PLXNA3: variants seen among roughly 807,000 people sequenced by gnomAD.
PLXNA3 encodes the protein plexin-A3.
Under a neutral mutation model 118.8 loss-of-function variants are expected in PLXNA3, and 52 were observed. The observed-to-expected ratio is 0.44, with a 90% CI of 0.35 to 0.55. PLXNA3 has a LOEUF of 0.55. Among genes scored for constraint, PLXNA3 ranks in the 20% least tolerant of loss-of-function variants. PLXNA3 has a pLI of 0.01. For missense variants in PLXNA3, 1,660 were observed against 1,730.8 expected (o/e 0.96, Z 0.73); for synonymous variants, 925 against 762.4 (o/e 1.21, Z -3.51).
rs1557203743 is a variant in PLXNA3, at chrX:154,460,748, G to A, written c.565G>A (p.Asp189Asn). 1 of 1,129,276 alleles carries A rather than the reference G, an allele frequency of 8.9e-7. No individual in the cohort carries two copies. The highest frequency in any genetic ancestry group is 1.8e-5 in the African/African-American group (1 of 55,267). 93.1% of individuals were successfully genotyped at this position (1,129,276 alleles called of 1,213,427 possible). A position where few individuals can be genotyped will look rare whatever the true frequency, so the allele number is the denominator to read the frequency against. Residue 189 changes from aspartate (D) to asparagine (N), a missense_variant, in exon 2 of 33, where the codon GAT (aspartate) becomes AAT (asparagine). Physicochemically the swap from Asp to Asn is conservative, Grantham distance 23. Transcript: ENST00000369682. ...CTTGAGCTCCCGCAAGCTCATCAGT[G>A]ATGAAGACAGCGCGGACATGTTCAG... ...PTLSSRKLIS[D>N]EDSADMFSLV... is the part of the protein sequence containing the mutation.
rs370255724 is a variant in PLXNA3 at position 154,467,976 on chromosome X, C to T, written c.3795C>T (p.Ser1265=). ...RLQLQMDNLE[S]RVALECKEAF... is the part of the protein sequence containing the mutation. ...AGCTGCAGATGGACAACCTGGAGTC[C>T]CGTGTGGCCCTGGAGTGCAAGGAAG... is the stretch of plus-strand genomic sequence containing the variant. The change falls in exon 21 of 33, where the codon TCC becomes TCT. Residue 1265 remains serine, a synonymous_variant. Transcript: ENST00000369682. The T allele has an allele frequency of 2.5e-6, 3 of 1,208,438 alleles. No individual in the cohort carries two copies. In the African/African-American group the frequency reaches 5.3e-5, roughly 21 times the overall value.
Position 154,465,116 on chromosome X carries a change from G to A in PLXNA3, c.2142G>A (p.Ser714=), listed in dbSNP as rs782526970. ...CTAAGAACCTACCTCAGCCGCAGTC[G>A]GGCCAGAAGAACTATGAGTGCGTGG... ...LRAKNLPQPQ[S]GQKNYECVVR... The change falls in exon 11 of 33, where the codon TCG becomes TCA. Residue 714 remains serine (S), a synonymous_variant. Transcript: ENST00000369682. 4.0e-5 allele frequency: 48 copies of A among 1,209,243 alleles called. No homozygotes were observed. Among genetic ancestry groups the A allele is most frequent in the East Asian group, 1.5e-4 (5 of 33,769 alleles).
rs1338712425 is a variant in PLXNA3 at position 154,477,053 on chromosome X, A to G, written c.*4368A>G. The G allele has an allele frequency of 1.8e-5, 2 of 112,077 alleles. No individual in the cohort carries two copies. Among genetic ancestry groups the G allele is most frequent in the Non-Finnish European group, 3.7e-5 (2 of 53,346 alleles). 9.2% of individuals were successfully genotyped at this position (112,077 alleles called of 1,213,427 possible). A position where few individuals can be genotyped will look rare whatever the true frequency, so the allele number is the denominator to read the frequency against. ...AAGCTACCCAAGACCAGGGAAGGCC[A>G]TCACCCCAGCAGGAGAGGATGAACG... On this transcript the variant is annotated 3_prime_UTR_variant, in exon 33 of 33. Transcript: ENST00000369682.
Position 154,461,315 on chromosome X carries a change from G to C in PLXNA3, c.811G>C (p.Glu271Gln). 3.3e-6 allele frequency: 4 copies of C among 1,212,488 alleles called. No homozygotes were observed. The highest frequency in any genetic ancestry group is 4.5e-6 in the Non-Finnish European group (4 of 895,613). Residue 271 changes from glutamate to glutamine, a missense_variant, in exon 3 of 33, where the codon GAG (glutamate) becomes CAG (glutamine). Glu to Gln is a conservative substitution (Grantham distance 29). Transcript: ENST00000369682. ...KIVRMCAGDSEFYSYVEFPIG... is the reference protein window; with the variant it reads ...KIVRMCAGDSQFYSYVEFPIG... Reference sequence around the variant, plus strand: ...CGTGCGCATGTGCGCGGGAGACTCAGAGTTCTACTCATACGTGGAATTCCC... The same window carrying C: ...CGTGCGCATGTGCGCGGGAGACTCACAGTTCTACTCATACGTGGAATTCCC...
chrX:154,464,753 G>C lies in PLXNA3; in HGVS notation c.1929-1G>C. 1 of 1,151,766 alleles carries C rather than the reference G, an allele frequency of 8.7e-7. No homozygotes were observed. The highest frequency in any genetic ancestry group is 2.5e-5 in the Admixed American group (1 of 40,371). 94.9% of individuals were successfully genotyped at this position (1,151,766 alleles called of 1,213,427 possible). On this transcript the variant is annotated splice_acceptor_variant, in intron 9 of 32. Transcript: ENST00000369682. LOFTEE classifies it high-confidence loss of function. ...TATTTCTGAAGCCACTTCCCCCCCA[G>C]GTGCATGTCCTGTGTTGGCAGCCCT...
chrX:154,475,566 A>G lies in PLXNA3; in HGVS notation c.*2881A>G. 1 of 112,184 alleles carries G rather than the reference A, an allele frequency of 8.9e-6. No homozygotes were observed. The highest frequency in any genetic ancestry group is 4.6e-3 in the Middle Eastern group (1 of 219). The allele number at this position is 112,184 out of a possible 1,213,427, so 9.2% of individuals were successfully genotyped here. ...TATAGGACCGTAGGTGTTTACCAAA[A>G]CTAGACAAGTCCACATAACAACCAA... is the stretch of plus-strand genomic sequence containing the variant. On this transcript the variant is annotated 3_prime_UTR_variant, in exon 33 of 33. Coordinates refer to ENST00000369682, the MANE Select transcript of PLXNA3 (RefSeq NM_017514.5).
In PLXNA3 at chrX:154,467,541, C is replaced by T. The variant is rs372811870; in HGVS notation, c.3442-4C>T. On this transcript the variant is annotated splice_region_variant and splice_polypyrimidine_tract_variant and intron_variant, in intron 19 of 32. Transcript: ENST00000369682. ...CCTGGGCTGAAGTTGTCCTCCACCC[C>T]CAGGGCAAGAACCTGATTCCCGCTG... The T allele has an allele frequency of 2.6e-6, 3 of 1,173,891 alleles. No homozygotes were observed. The highest frequency in any genetic ancestry group is 3.4e-6 in the Non-Finnish European group (3 of 877,337).
rs782161511 is a variant in PLXNA3, at chrX:154,467,270, G to A, written c.3240G>A (p.Lys1080=). ...TCAACGACACTGCCATGCTGTGTAA[G>A]GCCCCCGGCATCTTTCTTGGGCGGC... ...QVINDTAMLC[K]APGIFLGRPQ... The change falls in exon 19 of 33, where the codon AAG becomes AAA. Residue 1080 remains lysine, a synonymous_variant. Coordinates refer to ENST00000369682, the MANE Select transcript of PLXNA3 (RefSeq NM_017514.5). 9.1e-6 allele frequency: 11 copies of A among 1,208,416 alleles called. No homozygotes were observed. The East Asian group carries it at 2.7e-4, about 29-fold the overall frequency.
At chrX:154,466,599 C>T (rs1344522363) in intron 16 of PLXNA3, 24 bp from the exon 17 acceptor site, 18 of 1,194,924 alleles carry the variant, frequency 1.5e-5, no homozygotes, top group Non-Finnish European at 2.0e-5. Flanking sequence ...CCACCCGCTC[C>T]AAGCACCCTG....
At chrX:154,471,025 A>C in intron 30 of PLXNA3, 80 bp from the exon 31 acceptor site, 1 of 793,088 alleles carries the variant, frequency 1.3e-6, no homozygotes, top group Non-Finnish European at 1.9e-6. Flanking sequence ...CCGGCCCGAC[A>C]GGAAAGAGAT....
intron 11 of PLXNA3, 69 bp downstream of exon 11, chrX:154,465,287 G>A: frequency 9.3e-7 from 1 of 1,076,706 alleles, no homozygotes; most frequent in Non-Finnish European, 1.3e-6. Context: ...TCTTGTCTAT[G>A]CCCAGCTCTC....
chrX:154,468,269 G>A (rs781829311), intron 22 of PLXNA3, 34 bp from the exon 23 acceptor site: 31 of 1,182,382 alleles, frequency 2.6e-5, no homozygotes, highest in Admixed American at 1.1e-4. Flanking sequence ...CTTCAGGGCC[G>A]CCCCCACCCT....
rs782363773 is a variant in PLXNA3 at position 154,470,616 on chromosome X, C to A, written c.5156+5C>A. 2 of 1,206,137 alleles carry A rather than the reference C, an allele frequency of 1.7e-6. No homozygotes were observed. Among genetic ancestry groups the A allele is most frequent in the South Asian group, 3.6e-5 (2 of 56,328 alleles). On this transcript the variant is annotated splice_donor_5th_base_variant and intron_variant, in intron 30 of 32. Coordinates refer to ENST00000369682, the MANE Select transcript of PLXNA3 (RefSeq NM_017514.5). ...CCACACCTGGAAGAGCAACTGGTATCACCCCGTGCTGGGCTGCCAGCAGCC... is the reference window on the plus strand; with the variant it reads ...CCACACCTGGAAGAGCAACTGGTATAACCCCGTGCTGGGCTGCCAGCAGCC...
Position 154,466,657 on chromosome X carries a change from C to G in PLXNA3, c.2971C>G (p.Leu991Val), listed in dbSNP as rs200143039. Residue 991 changes from leucine (L) to valine (V), a missense_variant, in exon 17 of 33, where the codon CTC becomes GTC. Transcript: ENST00000369682. ...DAKAIVCISPLSTLGPSQAPI... is the reference protein window; with the variant it reads ...DAKAIVCISPVSTLGPSQAPI... ...CAAGGCGATCGTGTGCATCTCACCT[C>G]TCTCCACCCTGGGCCCCAGCCAGGC... is the stretch of plus-strand genomic sequence containing the variant. 3.0e-5 allele frequency: 36 copies of G among 1,202,311 alleles called. No homozygotes were observed. The East Asian group carries it at 1.0e-3, about 35-fold the overall frequency.
At chrX:154,466,110 G>T (rs781902882) in intron 14 of PLXNA3, 30 bp downstream of exon 14, 6 of 1,208,685 alleles carry the variant, frequency 5.0e-6, no homozygotes, top group African/African-American at 1.7e-5. Flanking sequence ...TGCCCGGGCC[G>T]TATGTGGCCT....
Position 154,475,098 on chromosome X carries a change from ATTT to A in PLXNA3, c.*2431_*2433del, listed in dbSNP as rs59248502. 11 of 67,576 alleles carry A rather than the reference ATTT, an allele frequency of 1.6e-4. No individual in the cohort carries two copies. The highest frequency in any genetic ancestry group is 3.7e-4 in the Admixed American group (2 of 5,391). 5.6% of individuals were successfully genotyped at this position (67,576 alleles called of 1,213,427 possible). A position where few individuals can be genotyped will look rare whatever the true frequency, so the allele number is the denominator to read the frequency against. Reference sequence around the variant, plus strand: ...ACTGTGCCCAGCCAAGTGAGATGCAATTTTTTTTTTTTTTTTTTTTGAGACAGA... The same window carrying A: ...ACTGTGCCCAGCCAAGTGAGATGCAATTTTTTTTTTTTTTTTTGAGACAGA... On this transcript the variant is annotated 3_prime_UTR_variant, in exon 33 of 33. Transcript: ENST00000369682.
In PLXNA3 at chrX:154,468,386, G is replaced by A. The variant is rs782635524; in HGVS notation, c.4047G>A (p.Thr1349=). The A allele has an allele frequency of 2.7e-5, 33 of 1,209,554 alleles. No individual in the cohort carries two copies. The highest frequency in any genetic ancestry group is 3.5e-5 in the Non-Finnish European group (31 of 895,119). Residue 1349 remains threonine (T), a synonymous_variant, in exon 23 of 33, where the codon ACG becomes ACA. Coordinates refer to ENST00000369682, the MANE Select transcript of PLXNA3 (RefSeq NM_017514.5). ...CGTTCGTGCTTACCTTCATCCACACGCTGGAGGCCCAGAGCAGCTTCTCCA... is the reference window on the plus strand; with the variant it reads ...CGTTCGTGCTTACCTTCATCCACACACTGGAGGCCCAGAGCAGCTTCTCCA... ...SRAFVLTFIH[T]LEAQSSFSMR...
At chrX:154,463,863 G>C (rs1190149246) in intron 6 of PLXNA3, 88 bp from the exon 7 acceptor site, 6 of 1,109,255 alleles carry the variant, frequency 5.4e-6, no homozygotes, top group Admixed American at 2.7e-5. Flanking sequence ...ACGCGGCCAA[G>C]GCTCGCTGTT....
rs902985817 is a variant in PLXNA3 at position 154,473,037 on chromosome X, C to G, written c.*352C>G. On this transcript the variant is annotated 3_prime_UTR_variant, in exon 33 of 33. Coordinates refer to ENST00000369682, the MANE Select transcript of PLXNA3 (RefSeq NM_017514.5). ...TCTGTCTCCATCTGTAAATATGTGTCCCCCCACCGGATGTCGCCACCCTCA... is the reference window on the plus strand; with the variant it reads ...TCTGTCTCCATCTGTAAATATGTGTGCCCCCACCGGATGTCGCCACCCTCA... The G allele has an allele frequency of 8.4e-5, 13 of 155,146 alleles. No homozygotes were observed. The highest frequency in any genetic ancestry group is 1.3e-5 in the Non-Finnish European group (1 of 78,546). The allele number at this position is 155,146 out of a possible 1,213,427, so 12.8% of individuals were successfully genotyped here.
Sources: allele counts gnomAD v4.1 joint callset, GRCh38; gene constraint gnomAD v4.1.1; transcripts MANE v1.5; gene names NCBI Gene and HGNC (gene_info 2026-07-23, HGNC 2026-07-21).